The following DNAJC5 variants were observed in gnomAD, a reference collection of about 807,000 sequenced individuals.
DNAJC5 encodes DnaJ heat shock protein family (Hsp40) member C5.
In DNAJC5, 1 loss-of-function variant was observed where a neutral mutation model predicts 23.2. The observed-to-expected ratio is 0.04, with a 90% confidence interval of 0.02 to 0.20. The LOEUF (loss-of-function observed/expected upper bound fraction) is 0.20, where lower values mean the gene tolerates loss of function less well. Ranked by LOEUF, DNAJC5 falls within the 10% of genes least tolerant of loss-of-function variation. The pLI, the probability that DNAJC5 is intolerant of heterozygous loss-of-function variation, is 1.00. For missense variants in DNAJC5, 180 were observed against 267.0 expected (o/e 0.67, Z 2.27); for synonymous variants, 136 against 120.0 (o/e 1.13, Z -0.87).
At chr20:63,895,716 G>T (rs1266511409) in intron 1 of DNAJC5, among the ~76,000 whole-genome samples, 4 of 152,162 alleles carry the variant, frequency 2.6e-5, no homozygotes, top group Non-Finnish European at 5.9e-5. Context: ...GCCATCGCTG[G>T]TCTTAGGGAG....
At chr20:63,909,634 T>C (rs1464100848) in intron 1 of DNAJC5, among the ~76,000 whole-genome samples, 1 of 152,228 alleles carries the variant, frequency 6.6e-6, no homozygotes, top group Non-Finnish European at 1.5e-5. Context: ...TGAGCCGAGA[T>C]TGTGCCACTG....
At chr20:63,906,298 C>T (rs1348907978) in intron 1 of DNAJC5, among the ~76,000 whole-genome samples, 1 of 151,774 alleles carries the variant, frequency 6.6e-6, no homozygotes. Context: ...ACCAGCCTGG[C>T]CAACATGGCG....
intron 1 of DNAJC5, among the ~76,000 whole-genome samples, chr20:63,902,237 G>C (rs1369521247): frequency 6.6e-6 from 1 of 151,470 alleles, no homozygotes; most frequent in Non-Finnish European, 1.5e-5. Context: ...CGTATTTTTA[G>C]TAGAGATGGG....
chr20:63,915,467 A>C (rs565822195), intron 1 of DNAJC5, among the ~76,000 whole-genome samples: 94 of 152,236 alleles, frequency 6.2e-4, no homozygotes, highest in Non-Finnish European at 1.1e-3. Flanking sequence ...GACACACCAT[A>C]ATAAGTAAAA....
chr20:63,912,303 CAAAA>C (rs1053866580), intron 1 of DNAJC5, among the ~76,000 whole-genome samples: 4 of 92,354 alleles, frequency 4.3e-5, no homozygotes. Flanking sequence ...AATCGGTCTC[CAAAA>C]AAAAAAAAAA....
intron 1 of DNAJC5, among the ~76,000 whole-genome samples, chr20:63,904,255 A>G (rs1420596926): frequency 6.6e-6 from 1 of 152,184 alleles, no homozygotes; most frequent in Non-Finnish European, 1.5e-5. Flanking sequence ...ATGTCATCAT[A>G]CATGTTAAAG....
At chr20:63,922,377 C>T (rs1294774192) in intron 1 of DNAJC5, among the ~76,000 whole-genome samples, 12 of 151,382 alleles carry the variant, frequency 7.9e-5, no homozygotes, top group African/African-American at 2.4e-4. Flanking sequence ...GCAGGAGAAT[C>T]GCTTGAACCT....
chr20:63,898,188 A>G (rs1223175157), intron 1 of DNAJC5, among the ~76,000 whole-genome samples: 2 of 152,162 alleles, frequency 1.3e-5, no homozygotes, highest in East Asian at 3.8e-4. Flanking sequence ...TTATCCTTAG[A>G]GCCCAGATGT....
chr20:63,934,933 G>A lies in DNAJC5; in HGVS notation c.*3365G>A, dbSNP rs1236105434. Reference sequence around the variant, plus strand: ...CCGGGTGCTGCGGGCAGAGTTCAGCGCTTGTCCACCCTCCCTTAGCTCTGA... The same window carrying A: ...CCGGGTGCTGCGGGCAGAGTTCAGCACTTGTCCACCCTCCCTTAGCTCTGA... On this transcript the variant is annotated 3_prime_UTR_variant, in exon 5 of 5. Coordinates refer to ENST00000360864, the MANE Select transcript of DNAJC5 (RefSeq NM_025219.3). 1.3e-5 allele frequency: 2 copies of A among 152,278 alleles called. No homozygotes were observed. The highest frequency in any genetic ancestry group is 1.9e-4 in the East Asian group (1 of 5,196). 9.4% of individuals were successfully genotyped at this position (152,278 alleles called of 1,614,324 possible).
At chr20:63,900,435 G>A (rs540547845) in intron 1 of DNAJC5, among the ~76,000 whole-genome samples, 12 of 151,880 alleles carry the variant, frequency 7.9e-5, no homozygotes, top group East Asian at 1.9e-4. Context: ...ACAATTAGCC[G>A]GGTATGGTGA....
chr20:63,908,509 G>A (rs890383199), intron 1 of DNAJC5, among the ~76,000 whole-genome samples: 7 of 152,216 alleles, frequency 4.6e-5, no homozygotes, highest in African/African-American at 1.4e-4. Context: ...TGGGTGTGCC[G>A]TTTGATTGGT....
intron 1 of DNAJC5, among the ~76,000 whole-genome samples, chr20:63,921,159 A>C (rs1349046364): frequency 6.6e-6 from 1 of 151,952 alleles, no homozygotes; most frequent in Non-Finnish European, 1.5e-5. Context: ...GGGTTTCTCC[A>C]TGTTGGTCAG....
intron 1 of DNAJC5, among the ~76,000 whole-genome samples, chr20:63,901,480 C>T (rs1158883634): frequency 2.6e-5 from 4 of 152,208 alleles, no homozygotes; most frequent in African/African-American, 4.8e-5. Flanking sequence ...GAAAATATCC[C>T]GTCTTACTCT....
At chr20:63,912,369 A>G (rs1400583553) in intron 1 of DNAJC5, among the ~76,000 whole-genome samples, 2 of 151,368 alleles carry the variant, frequency 1.3e-5, no homozygotes, top group Admixed American at 6.6e-5. Flanking sequence ...TCTTTTCTCT[A>G]GCTTGCTTTG....
At chr20:63,923,883 C>T (rs906724344) in intron 1 of DNAJC5, among the ~76,000 whole-genome samples, 5 of 152,134 alleles carry the variant, frequency 3.3e-5, no homozygotes, top group South Asian at 2.1e-4. Flanking sequence ...ACGACCTGGC[C>T]GTTTTTAAAA....
At position 63,922,466 on chromosome 20, in the gene DNAJC5, C is replaced by CAA. The variant is rs71333725; in HGVS notation, c.-11-5854_-11-5853dup. On this transcript the variant is annotated intron_variant, in intron 1 of 4. Coordinates refer to ENST00000360864, the MANE Select transcript of DNAJC5 (RefSeq NM_025219.3). ...TGGGTGACAGAGTGAGACTCTGTCT[C>CAA]AAAAAAAAAAAAAAAATAGACATCA... is the stretch of plus-strand genomic sequence containing the variant. Among the ~76,000 whole-genome samples the CAA allele has an allele frequency of 4.7e-3, 549 of 117,248 alleles. 6 individuals carry two copies. Among genetic ancestry groups the CAA allele is most frequent in the Middle Eastern group, 9.3e-3 (2 of 214 alleles). 76.9% of individuals were successfully genotyped at this position (117,248 alleles called of 152,430 possible).
At position 63,915,414 on chromosome 20, in the gene DNAJC5, T is replaced by C. The variant is rs552286731; in HGVS notation, c.-11-12921T>C. 2.2e-3 allele frequency among the ~76,000 whole-genome samples: 302 copies of C among 135,074 alleles called. 4 individuals are homozygous for C. The highest frequency in any genetic ancestry group is 8.9e-4 in the South Asian group (4 of 4,478). The allele number at this position is 135,074 out of a possible 152,430, so 88.6% of individuals were successfully genotyped here. A position where few individuals can be genotyped will look rare whatever the true frequency, so the allele number is the denominator to read the frequency against. On this transcript the variant is annotated intron_variant, in intron 1 of 4. Coordinates refer to ENST00000360864, the MANE Select transcript of DNAJC5 (RefSeq NM_025219.3). The stretch of plus-strand genomic sequence containing the variant: ...GAATTTAATGTTATATGTTTTTTAC[T>C]ACAATTGGTAAAAAAAAAAAAAAAA...
rs1406218023 is a variant in DNAJC5, at chr20:63,934,460, T to TG, written c.*2896dup. 1 of 152,308 alleles carries TG rather than the reference T, an allele frequency of 6.6e-6. No homozygotes were observed. The highest frequency in any genetic ancestry group is 1.9e-4 in the East Asian group (1 of 5,204). 9.4% of individuals were successfully genotyped at this position (152,308 alleles called of 1,614,324 possible). A position where few individuals can be genotyped will look rare whatever the true frequency, so the allele number is the denominator to read the frequency against. On this transcript the variant is annotated 3_prime_UTR_variant, in exon 5 of 5. Transcript: ENST00000360864. ...CTGCTGGGGGCTGCCAGGGGCCCTC[T>TG]GGGGTCGTGCTTTGAGGCCCGTCCG...
At chr20:63,926,101 T>G (rs895389933) in intron 1 of DNAJC5, among the ~76,000 whole-genome samples, 23 of 152,336 alleles carry the variant, frequency 1.5e-4, no homozygotes, top group Middle Eastern at 3.4e-3. Flanking sequence ...GTGCTGGGAT[T>G]ACAGGCGTGA....
Sources: allele counts gnomAD v4.1 joint callset (sites outside exome capture counted in the v4.1 genomes callset), GRCh38; gene constraint gnomAD v4.1.1; transcripts MANE v1.5; gene names NCBI Gene and HGNC (gene_info 2026-07-23, HGNC 2026-07-21).